Variants in ZNF106 observed in about 807,000 individuals in gnomAD.
The protein encoded by ZNF106 is zinc finger protein 106.
Under a neutral mutation model 195.1 loss-of-function variants are expected in ZNF106, and 67 were observed. The observed-to-expected ratio is 0.34, with a 90% CI of 0.28 to 0.42. The LOEUF is 0.42. ZNF106 is among the 10% of genes least tolerant of loss of function. ZNF106 has a pLI of 1.00. For synonymous variants in ZNF106, 784 were observed against 818.6 expected (o/e 0.96, Z 0.72); for missense variants, 2,118 against 2,304.5 (o/e 0.92, Z 1.66).
At chr15:42,457,567 T>C in intron 3 of ZNF106, 8 of 1,022,522 alleles carry the variant, frequency 7.8e-6, no homozygotes, top group Non-Finnish European at 9.4e-6. Flanking sequence ...ATTTAATCTT[T>C]AGTCTAGAGC....
At chr15:42,445,213 A>G (rs1460224323) in intron 7 of ZNF106, among the ~76,000 whole-genome samples, 1 of 152,216 alleles carries the variant, frequency 6.6e-6, no homozygotes, top group African/African-American at 2.4e-5. Context: ...CCATCACATC[A>G]TTCTGTCTCA....
At chr15:42,422,736 C>T in intron 17 of ZNF106, 116 bp from the exon 18 acceptor site, 2 of 1,036,362 alleles carry the variant, frequency 1.9e-6, no homozygotes, top group South Asian at 2.2e-5. Flanking sequence ...ATAATTAATA[C>T]AATTAATTGT....
chr15:42,447,475 C>G (rs1329348870), intron 6 of ZNF106, among the ~76,000 whole-genome samples: 1 of 152,090 alleles, frequency 6.6e-6, no homozygotes, highest in African/African-American at 2.4e-5. Flanking sequence ...GAAAGGGATA[C>G]TGAGAGGGTT....
At position 42,414,639 on chromosome 15, in the gene ZNF106, C is replaced by G. The variant is rs1156714446; in HGVS notation, c.*2665G>C. 2 of 152,274 alleles carry G rather than the reference C, an allele frequency of 1.3e-5. No individual in the cohort carries two copies. The highest frequency in any genetic ancestry group is 2.9e-5 in the Non-Finnish European group (2 of 68,068). The allele number at this position is 152,274 out of a possible 1,614,324, so 9.4% of individuals were successfully genotyped here. On this transcript the variant is annotated 3_prime_UTR_variant, in exon 22 of 22. Transcript: ENST00000564754. ...TACTCTCAGAAGTTCCCACAACTGCCCAACACCTCACCTACCCGTTTCCTG... is the reference window on the plus strand; with the variant it reads ...TACTCTCAGAAGTTCCCACAACTGCGCAACACCTCACCTACCCGTTTCCTG...
At position 42,416,361 on chromosome 15, in the gene ZNF106, T is replaced by G. The variant is rs2054460239; in HGVS notation, c.*943A>C. The G allele has an allele frequency of 6.6e-6, 1 of 152,284 alleles. No individual in the cohort carries two copies. The highest frequency in any genetic ancestry group is 2.4e-5 in the African/African-American group (1 of 41,428). The allele number at this position is 152,284 out of a possible 1,614,324, so 9.4% of individuals were successfully genotyped here. On this transcript the variant is annotated 3_prime_UTR_variant, in exon 22 of 22. Coordinates refer to ENST00000564754, the MANE Select transcript of ZNF106 (RefSeq NM_001366845.3). ...AACACCCCGTGAGCCCAGAGGAATA[T>G]TCGATGGCTGCCATCGGTCTAGGCA...
In ZNF106 at chr15:42,472,257, G is replaced by C. The variant is rs754015533; in HGVS notation, c.33C>G (p.His11Gln). The C allele has an allele frequency of 1.0e-5, 16 of 1,535,584 alleles. No homozygotes were observed. In the African/African-American group the frequency reaches 1.9e-4, roughly 18 times the overall value. Residue 11 changes from histidine to glutamine, a missense_variant, in exon 2 of 22, where the codon CAC (histidine) becomes CAG (glutamine). Physicochemically the swap from His to Gln is conservative, Grantham distance 24 (BLOSUM62 0). Transcript: ENST00000564754. ...TTACCTTTTTTGAGCTGTACACGATGTGGCATAATATGCATTTTCGTTCTC... is the reference window on the plus strand; with the variant it reads ...TTACCTTTTTTGAGCTGTACACGATCTGGCATAATATGCATTTTCGTTCTC... MVRERKCILC[H>Q]IVYSSKKEMD...
At chr15:42,459,761 C>T (rs1252463903) in intron 3 of ZNF106, among the ~76,000 whole-genome samples, 1 of 152,052 alleles carries the variant, frequency 6.6e-6, no homozygotes, top group Non-Finnish European at 1.5e-5. Flanking sequence ...TTTTTGTTGG[C>T]CAGGCGCAGT....
At chr15:42,443,663 A>G (rs61115119) in intron 9 of ZNF106, among the ~76,000 whole-genome samples, 43,585 of 151,778 alleles carry the variant, frequency 0.29, 8,649 homozygotes, top group African/African-American at 0.56. Context: ...CCAGGAGGTC[A>G]AGGCTGCAGT....
At chr15:42,464,464 G>A (rs2056466544) in intron 3 of ZNF106, among the ~76,000 whole-genome samples, 1 of 149,780 alleles carries the variant, frequency 6.7e-6, no homozygotes, top group Non-Finnish European at 1.5e-5. Flanking sequence ...ATTGACAGAA[G>A]TCAAATACAT....
chr15:42,444,729 T>C, intron 8 of ZNF106, 98 bp downstream of exon 8: 1 of 1,488,854 alleles, frequency 6.7e-7, no homozygotes, highest in Non-Finnish European at 9.1e-7. Flanking sequence ...GAAACTCCCC[T>C]GCCATTGCTT....
At chr15:42,427,987 G>A (rs1402380238) in intron 15 of ZNF106, 31 bp downstream of exon 15, 1 of 1,567,864 alleles carries the variant, frequency 6.4e-7, no homozygotes. Flanking sequence ...AAGTGCATGG[G>A]AAGTAAGCCT....
rs905517387 is a variant in ZNF106 at position 42,477,624 on chromosome 15, C to A, written c.-32-5303G>T. 2.0e-5 allele frequency among the ~76,000 whole-genome samples: 3 copies of A among 152,212 alleles called. No homozygotes were observed. The South Asian group carries it at 6.2e-4, about 32-fold the overall frequency. On this transcript the variant is annotated intron_variant, in intron 1 of 21. Transcript: ENST00000564754. ...TCCAGGTTGCTCAGGTGTGGTGGCT[C>A]ATGCCTGTAATCCCAACACTTTGGG...
In ZNF106 at chr15:42,451,561, G is replaced by A. The variant is rs1474311921; in HGVS notation, c.711C>T (p.Ser237=). The change falls in exon 5 of 22, where the codon TCC becomes TCT. Residue 237 remains serine (S), a synonymous_variant. Transcript: ENST00000564754. ...CGTTACTGTTGTTCATATGCCAACT[G>A]GAAAAGCCACCTGTTCCTTCAGAAA... is the stretch of plus-strand genomic sequence containing the variant. ...SWLSEGTGGF[S]SWHMNNSNGN... The A allele has an allele frequency of 1.2e-6, 2 of 1,614,102 alleles. No individual in the cohort carries two copies. Among genetic ancestry groups the A allele is most frequent in the Non-Finnish European group, 1.7e-6 (2 of 1,180,022 alleles).
chr15:42,421,083 A>G lies in ZNF106; in HGVS notation c.5495T>C (p.Leu1832Pro). 6.2e-7 allele frequency: 1 copy of G among 1,614,190 alleles called. No individual in the cohort carries two copies. The highest frequency in any genetic ancestry group is 8.5e-7 in the Non-Finnish European group (1 of 1,180,030). Residue 1832 changes from leucine to proline, a missense_variant, in exon 20 of 22, where the codon CTG (leucine) becomes CCG (proline). Transcript: ENST00000564754. ...TACCCAACAGCGGTAATTCTGCATCAGATTAAGCCTCACGGCCTGAATACT... is the reference window on the plus strand; with the variant it reads ...TACCCAACAGCGGTAATTCTGCATCGGATTAAGCCTCACGGCCTGAATACT... Reference protein sequence around the residue: ...DGSIQAVRLNLMQNYRCWWHG... With the variant: ...DGSIQAVRLNPMQNYRCWWHG...
intron 16 of ZNF106, chr15:42,424,297 G>C (rs947549398): frequency 2.0e-6 from 1 of 491,744 alleles, no homozygotes; most frequent in African/African-American, 1.9e-5. Context: ...TGATTATGAA[G>C]CAGCCTAGAA....
chr15:42,466,204 C>A (rs748494333), intron 2 of ZNF106, 90 bp from the exon 3 acceptor site: 3 of 908,972 alleles, frequency 3.3e-6, no homozygotes, highest in Non-Finnish European at 4.7e-6. Context: ...AAAATTGGGG[C>A]TCAAACTCCT....
intron 2 of ZNF106, among the ~76,000 whole-genome samples, chr15:42,471,628 G>C (rs559917071): frequency 6.6e-6 from 1 of 152,306 alleles, no homozygotes; most frequent in South Asian, 2.1e-4. Flanking sequence ...TTACTTGGGA[G>C]GCTGAGGCAG....
At chr15:42,438,997 A>G in intron 11 of ZNF106, 36 bp downstream of exon 11, 1 of 1,545,366 alleles carries the variant, frequency 6.5e-7, no homozygotes, top group African/African-American at 1.4e-5. Flanking sequence ...AAAGTTGGTG[A>G]AAGTTGTTCT....
rs555431439 is a variant in ZNF106, at chr15:42,462,918, G to C, written c.116+3135C>G. Among the ~76,000 whole-genome samples, 5 of 151,862 alleles carry C rather than the reference G, an allele frequency of 3.3e-5. No individual in the cohort carries two copies. In the East Asian group the frequency reaches 7.8e-4, roughly 24 times the overall value. ...CCTGCCTCAGCCTCCTTAGTAGCTG[G>C]ACTACAGGTGCAACCCACCACACCT... On this transcript the variant is annotated intron_variant, in intron 3 of 21. Transcript: ENST00000564754.
Sources: allele counts gnomAD v4.1 joint callset (sites outside exome capture counted in the v4.1 genomes callset), GRCh38; gene constraint gnomAD v4.1.1; transcripts MANE v1.5; gene names NCBI Gene and HGNC (gene_info 2026-07-23, HGNC 2026-07-21).